FBN3: variants seen among roughly 807,000 people sequenced by gnomAD.
The protein encoded by FBN3 is fibrillin-3.
A neutral mutation model predicts 330.1 loss-of-function variants in FBN3; 234 were observed. The ratio of observed to expected loss-of-function variants is 0.71; its 90% CI spans 0.64 to 0.79. The LOEUF (loss-of-function observed/expected upper bound fraction) is 0.79. Ranked by LOEUF, FBN3 falls within the 30% of genes least tolerant of loss-of-function variation. FBN3 has a pLI of 0.00. For missense variants in FBN3, 3,606 were observed against 3,886.9 expected (o/e 0.93, Z 1.92); for synonymous variants, 1,458 against 1,517.3 (o/e 0.96, Z 0.91).
At chr19:8,118,610 TACAG>T (rs1375630139) in intron 26 of FBN3, among the ~76,000 whole-genome samples, 3 of 134,268 alleles carry the variant, frequency 2.2e-5, no homozygotes, top group East Asian at 2.3e-4. Flanking sequence ...CTCCCCCTTG[TACAG>T]ACACACAGTC....
chr19:8,098,659 A>T (rs1173552800), intron 41 of FBN3, among the ~76,000 whole-genome samples: 1 of 152,092 alleles, frequency 6.6e-6, no homozygotes, highest in African/African-American at 2.4e-5. Flanking sequence ...GTGTGATGAA[A>T]ATGAGTTCTA....
At chr19:8,083,610 G>A (rs1046862168) in intron 56 of FBN3, among the ~76,000 whole-genome samples, 1 of 151,636 alleles carries the variant, frequency 6.6e-6, no homozygotes, top group Non-Finnish European at 1.5e-5. Flanking sequence ...CCCCTCCCCA[G>A]CCTCAACAGC....
chr19:8,104,369 G>A (rs1044614390), intron 38 of FBN3, among the ~76,000 whole-genome samples: 1 of 151,214 alleles, frequency 6.6e-6, no homozygotes, highest in African/African-American at 2.4e-5. Flanking sequence ...TACTTGAGAG[G>A]CAGAGGTGGG....
intron 63 of FBN3, among the ~76,000 whole-genome samples, chr19:8,067,129 CTTT>C (rs1029572620): frequency 3.0e-5 from 4 of 135,202 alleles, no homozygotes; most frequent in Non-Finnish European, 3.2e-5. Flanking sequence ...TCTTCTTTTT[CTTT>C]TTTTTTTTTT....
intron 34 of FBN3, among the ~76,000 whole-genome samples, chr19:8,110,328 A>C (rs2082548428): frequency 6.6e-6 from 1 of 152,142 alleles, no homozygotes; most frequent in Admixed American, 6.6e-5. Flanking sequence ...CAAAGTGCTG[A>C]GATTATGGGC....
intron 63 of FBN3, among the ~76,000 whole-genome samples, chr19:8,068,155 G>A (rs1403687370): frequency 6.6e-6 from 1 of 151,512 alleles, no homozygotes; most frequent in African/African-American, 2.4e-5. Flanking sequence ...GGGAGGCTCA[G>A]GCAGGTGGAT....
At chr19:8,105,986 G>A in intron 38 of FBN3, 122 bp downstream of exon 38, 1 of 1,129,258 alleles carries the variant, frequency 8.9e-7, no homozygotes, top group Non-Finnish European at 1.3e-6. Context: ...CAAAAGAGGA[G>A]GCAGGGGGCA....
chr19:8,147,537 C>T, intron 1 of FBN3, 40 bp from the exon 2 acceptor site: 1 of 1,399,706 alleles, frequency 7.1e-7, no homozygotes, highest in South Asian at 1.7e-5. Flanking sequence ...ATGAGCCCCC[C>T]ACCCTAGCCA....
intron 57 of FBN3, among the ~76,000 whole-genome samples, chr19:8,082,941 G>A (rs2081841151): frequency 6.6e-6 from 1 of 151,876 alleles, no homozygotes. Context: ...CAAGTAGCTG[G>A]GGCTACAGGC....
At chr19:8,147,078 C>A (rs370251709) in intron 3 of FBN3, 26 bp downstream of exon 3, 70 of 1,539,036 alleles carry the variant, frequency 4.5e-5, no homozygotes, top group Admixed American at 5.9e-5. Flanking sequence ...TGTGCCCCCC[C>A]ACCTCCAGAC....
At position 8,089,608 on chromosome 19, in the gene FBN3, C is replaced by G. The variant is rs1328355068; in HGVS notation, c.6313G>C (p.Gly2105Arg). The change falls in exon 51 of 64, where the codon GGA becomes CGA. Residue 2105 changes from glycine to arginine, a missense_variant. Coordinates refer to ENST00000600128, the MANE Select transcript of FBN3 (RefSeq NM_032447.5). ...AAGGGACACTCACAGCGGAAGGATCCATCGGTGTTGACACAGACGCCGTTA... is the reference window on the plus strand; with the variant it reads ...AAGGGACACTCACAGCGGAAGGATCGATCGGTGTTGACACAGACGCCGTTA... The part of the protein sequence containing the change: ...CTNGVCVNTD[G>R]SFRCECPFGY... 6.2e-7 allele frequency: 1 copy of G among 1,614,098 alleles called. No homozygotes were observed. The highest frequency in any genetic ancestry group is 8.5e-7 in the Non-Finnish European group (1 of 1,180,050).
chr19:8,089,634 G>C lies in FBN3; in HGVS notation c.6287C>G (p.Thr2096Ser). The C allele has an allele frequency of 6.2e-7, 1 of 1,614,238 alleles. No homozygotes were observed. The highest frequency in any genetic ancestry group is 8.5e-7 in the Non-Finnish European group (1 of 1,180,036). The change falls in exon 51 of 64, where the codon ACT (threonine) becomes AGT (serine). Residue 2096 changes from threonine to serine, a missense_variant. Thr to Ser is a moderately conservative substitution (Grantham distance 58, BLOSUM62 1). Coordinates refer to ENST00000600128, the MANE Select transcript of FBN3 (RefSeq NM_032447.5). ...ATCGGTGTTGACACAGACGCCGTTA[G>C]TGCAGACGCCAGGGTTCTCTGCACA... ...NECAENPGVC[T>S]NGVCVNTDGS... is the part of the protein sequence containing the mutation.
rs756390643 is a variant in FBN3 at position 8,138,501 on chromosome 19, C to T, written c.929G>A (p.Gly310Asp). The T allele has an allele frequency of 1.2e-6, 2 of 1,612,890 alleles. No homozygotes were observed. The highest frequency in any genetic ancestry group is 2.2e-5 in the East Asian group (1 of 44,882). Residue 310 changes from glycine to aspartate, a missense_variant, in exon 9 of 64, where the codon GGC (glycine) becomes GAC (aspartate). Coordinates refer to ENST00000600128, the MANE Select transcript of FBN3 (RefSeq NM_032447.5). The stretch of plus-strand genomic sequence containing the variant: ...GCAGCACTGCCTGCGAGTGTAGTGG[C>T]CGGCGAGGTCTCCAGCACAGCGGCC... Reference protein sequence around the residue: ...FGGRCAGDLAGHYTRRQCCCD... With the variant: ...FGGRCAGDLADHYTRRQCCCD...
intron 18 of FBN3, among the ~76,000 whole-genome samples, chr19:8,127,307 C>T (rs1014491372): frequency 2.6e-5 from 4 of 152,020 alleles, no homozygotes; most frequent in East Asian, 1.9e-4. Flanking sequence ...GTGGTCCGCC[C>T]GCCTCAGCCT....
At position 8,106,125 on chromosome 19, in the gene FBN3, T is replaced by C; in HGVS notation, c.4796A>G (p.His1599Arg). Residue 1599 changes from histidine to arginine, a missense_variant, in exon 38 of 64, where the codon CAC becomes CGC. Transcript: ENST00000600128. ...ECPPGYHLSE[H>R]TRICEDIDEC... ...ATGCTCACCCTCACAGATGCGGGTGTGCTCACTGAGGTGGTAGCCAGGTGG... is the reference window on the plus strand; with the variant it reads ...ATGCTCACCCTCACAGATGCGGGTGCGCTCACTGAGGTGGTAGCCAGGTGG... 2 of 1,614,076 alleles carry C rather than the reference T, an allele frequency of 1.2e-6. No homozygotes were observed. The highest frequency in any genetic ancestry group is 2.7e-5 in the African/African-American group (2 of 75,016).
At position 8,149,047 on chromosome 19, in the gene FBN3, T is replaced by C. The variant is rs1422634168; in HGVS notation, c.-18+402A>G. 6.6e-6 allele frequency among the ~76,000 whole-genome samples: 1 copy of C among 152,120 alleles called. No homozygotes were observed. On this transcript the variant is annotated intron_variant, in intron 1 of 63. Transcript: ENST00000600128. The surrounding 1 kb of genome is among the most constrained non-coding windows in gnomAD (Gnocchi z 5.5). The stretch of plus-strand genomic sequence containing the variant: ...CACACCCTGGAGTTTGTGGAATGAA[T>C]GAGCAGAGAAGGCGCGCCCGGCACG...
Position 8,096,458 on chromosome 19 carries a change from T to TGG in FBN3, c.5523_5524dup (p.Gln1842ProfsTer38), listed in dbSNP as rs753924424. ...AAGGGTCTCACCCATGCACAGGGTC[T>TGG]GGTCTGCAGAGGCCTGGAATCCACG... On this transcript the variant is annotated frameshift_variant, in exon 44 of 64. Coordinates refer to ENST00000600128, the MANE Select transcript of FBN3 (RefSeq NM_032447.5). LOFTEE classifies it high-confidence loss of function. This position sits in a 1 kb window ranked among gnomAD's most constrained non-coding sequence, Gnocchi z 4.6. The TGG allele has an allele frequency of 2.1e-5, 34 of 1,613,802 alleles. No homozygotes were observed. Among genetic ancestry groups the TGG allele is most frequent in the Non-Finnish European group, 2.5e-5 (30 of 1,179,900 alleles).
Position 8,117,588 on chromosome 19 carries a change from G to A in FBN3, c.3339C>T (p.Asp1113=). ...CATCACTCAGGGAGCACTCATCGAT[G>A]TCTGTGGGGGAGTGCAGGTGAAAGA... ...ELTAKGTACE[D]IDECSLSDGL... is the part of the protein sequence containing the mutation. Residue 1113 remains aspartate (D), a splice_region_variant and synonymous_variant, in exon 27 of 64, where the codon GAC becomes GAT. Transcript: ENST00000600128. 6.5e-7 allele frequency: 1 copy of A among 1,540,958 alleles called. No individual in the cohort carries two copies. The highest frequency in any genetic ancestry group is 8.8e-7 in the Non-Finnish European group (1 of 1,139,622).
At chr19:8,110,145 T>G (rs908344888) in intron 34 of FBN3, among the ~76,000 whole-genome samples, 1 of 152,218 alleles carries the variant, frequency 6.6e-6, no homozygotes, top group Non-Finnish European at 1.5e-5. Flanking sequence ...AGCCTCAAAC[T>G]CCTGGGCTCA....
Sources: allele counts gnomAD v4.1 joint callset (sites outside exome capture counted in the v4.1 genomes callset), GRCh38; gene constraint gnomAD v4.1.1; non-coding constraint Gnocchi (gnomAD v3.1); transcripts MANE v1.5; gene names NCBI Gene and HGNC (gene_info 2026-07-23, HGNC 2026-07-21).